The following SDK1 variants were observed in gnomAD, a reference collection of about 807,000 sequenced individuals.
SDK1 encodes sidekick cell adhesion molecule 1, also known as protein sidekick-1.
SDK1 carries 157 observed loss-of-function variants against 245.5 expected under a neutral mutation model. The observed-to-expected ratio is 0.64, with a 90% CI of 0.56 to 0.73. SDK1 has a LOEUF of 0.73. Among genes scored for constraint, SDK1 ranks in the 30% least tolerant of loss-of-function variants. The pLI is 0.00. For synonymous variants in SDK1, 1,647 were observed against 1,278.5 expected (o/e 1.29, Z -6.15); for missense variants, 3,583 against 3,002.3 (o/e 1.19, Z -4.52).
rs552621180 is a variant in SDK1, at chr7:4,196,019, C to T, written c.5099-9860C>T. Among the ~76,000 whole-genome samples the T allele has an allele frequency of 3.3e-5, 5 of 152,276 alleles. No homozygotes were observed. The South Asian group carries it at 6.2e-4, about 19-fold the overall frequency. ...CAGAGTTGAATAGTTACAGTGAAGCCCTTCAGTCCCTCAAAGCTTACCACC... is the reference window on the plus strand; with the variant it reads ...CAGAGTTGAATAGTTACAGTGAAGCTCTTCAGTCCCTCAAAGCTTACCACC... On this transcript the variant is annotated intron_variant, in intron 35 of 44. Coordinates refer to ENST00000404826, the MANE Select transcript of SDK1 (RefSeq NM_152744.4).
Position 3,987,265 on chromosome 7 carries a change from C to T in SDK1, c.2074C>T (p.Arg692Trp), listed in dbSNP as rs1347013293. 11 of 1,613,942 alleles carry T rather than the reference C, an allele frequency of 6.8e-6. No homozygotes were observed. The Admixed American group carries it at 1.2e-4, about 17-fold the overall frequency. Residue 692 changes from arginine to tryptophan, a missense_variant, in exon 14 of 45, where the codon CGG becomes TGG. By Grantham distance (101) the Arg-to-Trp change is moderately radical. Transcript: ENST00000404826. The part of the protein sequence containing the change: ...HSHAVVLSWV[R>W]PFDGNSPILY... ...CCACGCCGTGGTGCTCTCTTGGGTCCGGCCCTTTGATGGAAACAGTCCTAT... is the reference window on the plus strand; with the variant it reads ...CCACGCCGTGGTGCTCTCTTGGGTCTGGCCCTTTGATGGAAACAGTCCTAT...
chr7:4,129,707 G>A (rs80041039), intron 26 of SDK1: 25,905 of 1,415,796 alleles, frequency 0.018, 1,040 homozygotes, highest in African/African-American at 0.14. Context: ...AAGCTCCCCT[G>A]GAGCGCAGTC....
chr7:4,174,518 G>A (rs933118848), intron 33 of SDK1, among the ~76,000 whole-genome samples, 161 bp downstream of exon 33: 1 of 152,202 alleles, frequency 6.6e-6, no homozygotes, highest in African/African-American at 2.4e-5. Context: ...CCCACCAGGG[G>A]CACACAGGGT....
intron 35 of SDK1, among the ~76,000 whole-genome samples, chr7:4,193,360 A>G: frequency 1.0e-5 from 1 of 97,328 alleles, no homozygotes; most frequent in East Asian, 2.9e-4. Context: ...ATATTTATAT[A>G]TATTAAAATA....
rs761000435 is a variant in SDK1, at chr7:3,641,967, G to A, written c.575G>A (p.Ser192Asn). The change falls in exon 4 of 45, where the codon AGT becomes AAT. Residue 192 changes from serine to asparagine, a missense_variant. Coordinates refer to ENST00000404826, the MANE Select transcript of SDK1 (RefSeq NM_152744.4). ...KSEVQVAYMG[S>N]FMDTDQRKTV... ...TTCTTTTTCTCTGCAGATATGGGAAGTTTCATGGATACGGACCAGAGGAAA... is the reference window on the plus strand; with the variant it reads ...TTCTTTTTCTCTGCAGATATGGGAAATTTCATGGATACGGACCAGAGGAAA... 5 of 1,612,808 alleles carry A rather than the reference G, an allele frequency of 3.1e-6. No individual in the cohort carries two copies. In the East Asian group the frequency reaches 1.1e-4, roughly 36 times the overall value.
intron 1 of SDK1, among the ~76,000 whole-genome samples, chr7:3,567,982 A>C (rs1779982504): frequency 6.6e-6 from 1 of 151,908 alleles, no homozygotes; most frequent in South Asian, 2.1e-4. Context: ...ATGCCTGGCT[A>C]ATTTTTTGAT....
intron 25 of SDK1, among the ~76,000 whole-genome samples, chr7:4,116,330 C>G (rs1345672325): frequency 6.6e-6 from 1 of 152,204 alleles, no homozygotes; most frequent in Non-Finnish European, 1.5e-5. Context: ...ACCCTCGAGA[C>G]AGCCAGGCCG....
intron 4 of SDK1, among the ~76,000 whole-genome samples, chr7:3,782,416 C>T (rs1028896271): frequency 4.6e-5 from 7 of 152,106 alleles, no homozygotes; most frequent in Admixed American, 2.6e-4. Context: ...CACAGTTTAC[C>T]GTGAGATTGA....
At position 3,559,771 on chromosome 7, in the gene SDK1, AAAC is replaced by A. The variant is rs1250672664; in HGVS notation, c.299-59307_299-59305del. ...TTGTATTTTTTCAAAAAAAAAAAAAAAACACAAAAATCTAAACGGAAACAAGCA... is the reference window on the plus strand; with the variant it reads ...TTGTATTTTTTCAAAAAAAAAAAAAAACAAAAATCTAAACGGAAACAAGCA... On this transcript the variant is annotated intron_variant, in intron 1 of 44. Transcript: ENST00000404826. Among the ~76,000 whole-genome samples the A allele has an allele frequency of 2.5e-3, 382 of 152,080 alleles. 1 individual carries two copies. The highest frequency in any genetic ancestry group is 8.9e-3 in the African/African-American group (370 of 41,476).
intron 5 of SDK1, among the ~76,000 whole-genome samples, chr7:3,941,276 G>A (rs777945836): frequency 2.8e-4 from 42 of 152,126 alleles, no homozygotes; most frequent in Non-Finnish European, 5.3e-4. Flanking sequence ...CCCAAACCGT[G>A]TGGTAGGCTT....
At chr7:3,466,070 G>T (rs1780991215) in intron 1 of SDK1, among the ~76,000 whole-genome samples, 1 of 152,090 alleles carries the variant, frequency 6.6e-6, no homozygotes, top group Non-Finnish European at 1.5e-5. Context: ...TCAGCTAGGG[G>T]AGGTGAGGTT....
chr7:4,191,257 G>T (rs1280699330), intron 35 of SDK1, among the ~76,000 whole-genome samples: 1 of 152,064 alleles, frequency 6.6e-6, no homozygotes, highest in Non-Finnish European at 1.5e-5. Flanking sequence ...CCCCGCCGCG[G>T]TCACATGGGT....
intron 1 of SDK1, among the ~76,000 whole-genome samples, chr7:3,323,841 G>A (rs1363747264): frequency 1.3e-5 from 2 of 152,170 alleles, no homozygotes; most frequent in Non-Finnish European, 2.9e-5. Context: ...TTTGAATTCT[G>A]CCTAGCACAG....
chr7:3,368,805 A>T (rs996342930), intron 1 of SDK1, among the ~76,000 whole-genome samples: 57 of 152,210 alleles, frequency 3.7e-4, no homozygotes, highest in African/African-American at 1.3e-3. Flanking sequence ...ACCGTGTGTG[A>T]CATGTATTAG....
chr7:3,957,421 G>T (rs1193106787), intron 7 of SDK1, among the ~76,000 whole-genome samples: 4 of 152,174 alleles, frequency 2.6e-5, no homozygotes, highest in Non-Finnish European at 5.9e-5. Flanking sequence ...GGGTCCATGA[G>T]CTCTTTCAGT....
At position 3,685,949 on chromosome 7, in the gene SDK1, C is replaced by G. The variant is rs148294774; in HGVS notation, c.713+43844C>G. Among the ~76,000 whole-genome samples the G allele has an allele frequency of 5.4e-3, 820 of 151,832 alleles. 4 individuals carry two copies. Among genetic ancestry groups the G allele is most frequent in the African/African-American group, 0.019 (790 of 41,408 alleles). ...GATCTAAATATACCAATTAAAATAC[C>G]TAGATTTATAGAATGAATGAAAAAA... On this transcript the variant is annotated intron_variant, in intron 4 of 44. Transcript: ENST00000404826.
chr7:4,196,718 C>T (rs1026446547), intron 35 of SDK1, among the ~76,000 whole-genome samples: 2 of 152,210 alleles, frequency 1.3e-5, no homozygotes, highest in East Asian at 1.9e-4. Flanking sequence ...CTGACCTGCC[C>T]GTGGCCTGCT....
chr7:4,261,869 C>A (rs1309600416), intron 44 of SDK1, among the ~76,000 whole-genome samples: 7 of 151,912 alleles, frequency 4.6e-5, no homozygotes, highest in Admixed American at 2.6e-4. Flanking sequence ...CCAGGTGGAT[C>A]CCCTAGGAGC....
intron 22 of SDK1, among the ~76,000 whole-genome samples, chr7:4,086,584 G>T (rs1562789438): frequency 6.6e-6 from 1 of 152,066 alleles, no homozygotes; most frequent in South Asian, 2.1e-4. Flanking sequence ...AGAGCAGCCG[G>T]GGCAGGTCAA....
Sources: gnomAD v4.1 joint callset for allele counts (sites outside exome capture counted in the v4.1 genomes callset) on GRCh38, gnomAD v4.1.1 for gene constraint, MANE v1.5 for transcripts, NCBI Gene and HGNC (gene_info 2026-07-23, HGNC 2026-07-21) for gene names.